The following GAPVD1 variants were observed in gnomAD, a reference collection of about 807,000 sequenced individuals.
GAPVD1 encodes the protein GTPase activating protein and VPS9 domains 1.
GAPVD1 carries 35 observed loss-of-function variants against 155.5 expected under a neutral mutation model. The observed-to-expected ratio is 0.23, with a 90% CI of 0.17 to 0.30. GAPVD1 has a LOEUF of 0.30. Among genes scored for constraint, GAPVD1 ranks in the 10% least tolerant of loss-of-function variants. GAPVD1 has a pLI of 1.00. For missense variants in GAPVD1, 1,429 were observed against 1,775.7 expected, an observed-to-expected ratio of 0.80 and a Z score of 3.51; for synonymous variants, 636 against 619.7, an observed-to-expected ratio of 1.03 and a Z score of -0.39.
chr9:125,330,502 A>G (rs571258778), intron 13 of GAPVD1, among the ~76,000 whole-genome samples: 2 of 151,916 alleles, frequency 1.3e-5, no homozygotes, highest in Admixed American at 6.6e-5. Context: ...ATTTTTAGAG[A>G]AACAGGGTTT....
chr9:125,326,645 A>G, intron 12 of GAPVD1, 56 bp downstream of exon 12: 1 of 1,260,240 alleles, frequency 7.9e-7, no homozygotes, highest in Admixed American at 1.7e-5. Context: ...AAATCCACCA[A>G]CCTTTCATGG....
In GAPVD1 at chr9:125,337,370, G is replaced by T. The variant is rs764495784; in HGVS notation, c.2656G>T (p.Ala886Ser). ...SHVLTPAEME[A>S]FKQRHSYPER... ...TGTTTTAACTCCAGCTGAAATGGAG[G>T]CATTCAAGCAAAGGCATTCTTACCC... The change falls in exon 17 of 28, where the codon GCA becomes TCA. Residue 886 changes from alanine (A) to serine (S), a missense_variant. Ala to Ser is a moderately conservative substitution (Grantham distance 99). Transcript: ENST00000297933. The T allele has an allele frequency of 1.9e-6, 3 of 1,614,126 alleles. No individual in the cohort carries two copies. Among genetic ancestry groups the T allele is most frequent in the East Asian group, 4.5e-5 (2 of 44,880 alleles).
At position 125,323,904 on chromosome 9, in the gene GAPVD1, G is replaced by C. The variant is rs1450768177; in HGVS notation, c.1839G>C (p.Gln613His). ...GCAGTAATGGAGTTGAAGCTCTACA[G>C]CTGTTAGAACATGAGCAAGGTAAAG... ...PSGSNGVEAL[Q>H]LLEHEQATTQ... The change falls in exon 11 of 28, where the codon CAG becomes CAC. Residue 613 changes from glutamine to histidine, a missense_variant. Coordinates refer to ENST00000297933, the MANE Select transcript of GAPVD1 (RefSeq NM_001282680.3). 1 of 1,613,738 alleles carries C rather than the reference G, an allele frequency of 6.2e-7. No homozygotes were observed. The highest frequency in any genetic ancestry group is 8.5e-7 in the Non-Finnish European group (1 of 1,179,770).
At position 125,360,730 on chromosome 9, in the gene GAPVD1, G is replaced by A; in HGVS notation, c.4242+5G>A. 6.2e-7 allele frequency: 1 copy of A among 1,609,188 alleles called. No individual in the cohort carries two copies. The highest frequency in any genetic ancestry group is 1.1e-5 in the South Asian group (1 of 90,932). On this transcript the variant is annotated splice_donor_5th_base_variant and intron_variant, in intron 27 of 27. Transcript: ENST00000297933. Reference sequence around the variant, plus strand: ...TTGGTGTTTGTGTTGATAAAGGTGGGCCCCTTACTACTATCAGTTAAGGAG... The same window carrying A: ...TTGGTGTTTGTGTTGATAAAGGTGGACCCCTTACTACTATCAGTTAAGGAG...
intron 19 of GAPVD1, among the ~76,000 whole-genome samples, chr9:125,343,286 A>G (rs1027184672): frequency 6.6e-6 from 1 of 151,712 alleles, no homozygotes; most frequent in Non-Finnish European, 1.5e-5. Flanking sequence ...AGTGTGGCCC[A>G]GGGAAGCTAA....
chr9:125,344,613 A>G (rs542597360), intron 19 of GAPVD1, among the ~76,000 whole-genome samples: 110 of 152,300 alleles, frequency 7.2e-4, no homozygotes, highest in African/African-American at 2.6e-3. Context: ...AATGTATTGT[A>G]TTGTCCCTTT....
At chr9:125,299,146 CTA>C in intron 4 of GAPVD1, 40 bp downstream of exon 4, 1 of 1,075,564 alleles carries the variant, frequency 9.3e-7, no homozygotes, top group South Asian at 1.6e-5. Flanking sequence ...TTGTGAACCA[CTA>C]TGATTCTGTA....
At chr9:125,334,029 A>G (rs187721287) in intron 15 of GAPVD1, among the ~76,000 whole-genome samples, 103 of 152,286 alleles carry the variant, frequency 6.8e-4, no homozygotes, top group Middle Eastern at 3.4e-3. Flanking sequence ...ATAGCCACCA[A>G]TCAAGAACCA....
At chr9:125,342,155 C>T (rs1847918035) in intron 18 of GAPVD1, 64 bp from the exon 19 acceptor site, 1 of 778,524 alleles carries the variant, frequency 1.3e-6, no homozygotes, top group East Asian at 2.5e-5. Context: ...TGTTGGCACA[C>T]CAGTTAACTT....
chr9:125,271,959 T>A (rs1473484901), intron 2 of GAPVD1, among the ~76,000 whole-genome samples: 1 of 152,238 alleles, frequency 6.6e-6, no homozygotes, highest in African/African-American at 2.4e-5. Flanking sequence ...TTATAACATT[T>A]AAGGCTGAAT....
chr9:125,264,966 G>A (rs1042176444), intron 1 of GAPVD1, among the ~76,000 whole-genome samples: 8 of 152,070 alleles, frequency 5.3e-5, no homozygotes, highest in African/African-American at 1.7e-4. Flanking sequence ...TGATCTGCCC[G>A]CCTTGGCCCC....
chr9:125,278,897 A>T (rs1313854580), intron 2 of GAPVD1, among the ~76,000 whole-genome samples: 2 of 151,842 alleles, frequency 1.3e-5, no homozygotes, highest in African/African-American at 2.4e-5. Context: ...AAGGGATAAC[A>T]TTATAGCAGG....
rs534969866 is a variant in GAPVD1, at chr9:125,338,241, A to G, written c.2877+650A>G. ...CAAGTTGGAAGTACAATAAAAGAAC[A>G]CTCCCTCCCCATTTGTGAGCAAGTT... is the stretch of plus-strand genomic sequence containing the variant. On this transcript the variant is annotated intron_variant, in intron 17 of 27. Coordinates refer to ENST00000297933, the MANE Select transcript of GAPVD1 (RefSeq NM_001282680.3). Among the ~76,000 whole-genome samples the G allele has an allele frequency of 6.6e-5, 10 of 152,002 alleles. No homozygotes were observed. In the South Asian group the frequency reaches 1.9e-3, roughly 28 times the overall value.
chr9:125,359,440 A>G lies in GAPVD1; in HGVS notation c.3992A>G (p.Gln1331Arg). 6.3e-7 allele frequency: 1 copy of G among 1,575,436 alleles called. No individual in the cohort carries two copies. Among genetic ancestry groups the G allele is most frequent in the South Asian group, 1.1e-5 (1 of 90,264 alleles). ...TTCAGGGTTCTTCATGAACATATCCAGAGATTGTCTAAAGTAGTGACTGCA... is the reference window on the plus strand; with the variant it reads ...TTCAGGGTTCTTCATGAACATATCCGGAGATTGTCTAAAGTAGTGACTGCA... The part of the protein sequence containing the change: ...LRDQVLHEHI[Q>R]RLSKVVTANH... The change falls in exon 26 of 28, where the codon CAG (glutamine) becomes CGG (arginine). Residue 1331 changes from glutamine (Q) to arginine (R), a missense_variant. Gln to Arg is a conservative substitution (Grantham distance 43, BLOSUM62 1). Around this residue, in one of 4 missense-constraint regions of GAPVD1, gnomAD observed 102 missense variants for 196.5 expected, o/e 0.52. Transcript: ENST00000297933.
chr9:125,341,900 G>A (rs956876616), intron 18 of GAPVD1: 7 of 183,608 alleles, frequency 3.8e-5, no homozygotes, highest in East Asian at 1.5e-4. Context: ...ATACTCAAGC[G>A]CTTGATGAGG....
intron 2 of GAPVD1, among the ~76,000 whole-genome samples, chr9:125,293,868 A>AAATATATTT (rs1554757151): frequency 3.1e-4 from 6 of 19,334 alleles, no homozygotes; most frequent in African/African-American, 3.0e-3. Flanking sequence ...ATATATATAT[A>AAATATATTT]TATATATATA....
chr9:125,293,134 G>T (rs1197398060), intron 2 of GAPVD1, among the ~76,000 whole-genome samples: 6 of 152,188 alleles, frequency 3.9e-5, no homozygotes, highest in African/African-American at 1.2e-4. Flanking sequence ...CTTGGTGACA[G>T]ACCTTGCTGA....
intron 2 of GAPVD1, 53 bp from the exon 3 acceptor site, chr9:125,295,405 A>T (rs1839676963): frequency 6.6e-6 from 1 of 151,120 alleles, no homozygotes; most frequent in Non-Finnish European, 1.5e-5. Context: ...ATACTTTTTA[A>T]ATTATCAAAC....
chr9:125,275,134 A>AG (rs1291175712), intron 2 of GAPVD1, among the ~76,000 whole-genome samples: 1 of 151,954 alleles, frequency 6.6e-6, no homozygotes, highest in Non-Finnish European at 1.5e-5. Flanking sequence ...GGAGTGTAAT[A>AG]GTGTGATCTC....
Sources: gnomAD v4.1 joint callset for allele counts (sites outside exome capture counted in the v4.1 genomes callset) on GRCh38, gnomAD v4.1.1 for gene constraint, gnomAD v4.1.1 regional missense constraint, MANE v1.5 for transcripts, NCBI Gene and HGNC (gene_info 2026-07-23, HGNC 2026-07-21) for gene names.